The following PKD2L2 variants were observed in gnomAD, a reference collection of about 807,000 sequenced individuals.
PKD2L2 encodes polycystin 2 like 2, transient receptor potential cation channel, also known as polycystin-2-like protein 2.
Under a neutral mutation model 83.9 loss-of-function variants are expected in PKD2L2, and 67 were observed. That is an observed-to-expected ratio of 0.80 (90% CI 0.66 to 0.98). PKD2L2 has a LOEUF of 0.98. Among genes scored for constraint, PKD2L2 ranks in the 50% least tolerant of loss-of-function variants. PKD2L2 has a pLI of 0.00. For missense variants in PKD2L2, 632 were observed against 717.2 expected (o/e 0.88, Z 1.36); for synonymous variants, 223 against 237.8 (o/e 0.94, Z 0.57).
chr5:137,919,772 G>C (rs1404354843), intron 8 of PKD2L2, among the ~76,000 whole-genome samples: 1 of 152,184 alleles, frequency 6.6e-6, no homozygotes, highest in Non-Finnish European at 1.5e-5. Flanking sequence ...CTGAGTCCTA[G>C]GACTTCATGT....
chr5:137,934,347 C>G (rs1760129701), intron 12 of PKD2L2, among the ~76,000 whole-genome samples: 1 of 152,154 alleles, frequency 6.6e-6, no homozygotes, highest in African/African-American at 2.4e-5. Context: ...GTCTATTTTA[C>G]TTTTATTACT....
rs1376727710 is a variant in PKD2L2, at chr5:137,899,682, A to G, written c.691A>G (p.Ile231Val). 1.2e-6 allele frequency: 2 copies of G among 1,612,268 alleles called. No individual in the cohort carries two copies. Among genetic ancestry groups the G allele is most frequent in the Non-Finnish European group, 8.5e-7 (1 of 1,178,486 alleles). ...CTGGATCACAAGAGGGACTAGAGTTATTTTTATTGATTTTTCCTTATATAA... is the reference window on the plus strand; with the variant it reads ...CTGGATCACAAGAGGGACTAGAGTTGTTTTTATTGATTTTTCCTTATATAA... ...NSWITRGTRV[I>V]FIDFSLYNAN... The change falls in exon 5 of 15, where the codon ATT becomes GTT. Residue 231 changes from isoleucine (I) to valine (V), a missense_variant. Physicochemically the swap from Ile to Val is conservative, Grantham distance 29 (BLOSUM62 3). Coordinates refer to ENST00000508883, the MANE Select transcript of PKD2L2 (RefSeq NM_001300921.2).
At chr5:137,933,061 A>AAC (rs994418601) in intron 12 of PKD2L2, among the ~76,000 whole-genome samples, 6 of 151,558 alleles carry the variant, frequency 4.0e-5, no homozygotes, top group African/African-American at 1.5e-4. Flanking sequence ...AAAAAAAAAA[A>AAC]AAAAACCCAC....
At chr5:137,932,786 G>A (rs916611643) in intron 12 of PKD2L2, among the ~76,000 whole-genome samples, 5 of 152,222 alleles carry the variant, frequency 3.3e-5, no homozygotes, top group South Asian at 4.1e-4. Context: ...TACTGGTTCC[G>A]CATTCCTAAT....
At chr5:137,941,048 G>T (rs1714264098) in intron 14 of PKD2L2, among the ~76,000 whole-genome samples, 1 of 152,110 alleles carries the variant, frequency 6.6e-6, no homozygotes. Flanking sequence ...TGGAACTACA[G>T]GTGCCCGCCA....
chr5:137,906,150 T>C, intron 5 of PKD2L2, 56 bp from the exon 6 acceptor site: 1 of 950,760 alleles, frequency 1.1e-6, no homozygotes, highest in Admixed American at 2.2e-5. Flanking sequence ...TCACATTAAG[T>C]ACTGAAATAT....
At position 137,894,534 on chromosome 5, in the gene PKD2L2, T is replaced by C; in HGVS notation, c.449T>C (p.Leu150Ser). 1 of 1,613,496 alleles carries C rather than the reference T, an allele frequency of 6.2e-7. No individual in the cohort carries two copies. The highest frequency in any genetic ancestry group is 8.5e-7 in the Non-Finnish European group (1 of 1,179,426). ...AAAGTCTATTCATCTTTTCAGTCTT[T>C]GATGAGTGAATGTTATGGCAAATAT... ...TCKVYSSFQS[L>S]MSECYGKYTS... The change falls in exon 4 of 15, where the codon TTG (leucine) becomes TCG (serine). Residue 150 changes from leucine to serine, a missense_variant. Physicochemically the swap from Leu to Ser is moderately radical, Grantham distance 145. Coordinates refer to ENST00000508883, the MANE Select transcript of PKD2L2 (RefSeq NM_001300921.2).
intron 10 of PKD2L2, among the ~76,000 whole-genome samples, chr5:137,924,286 C>G (rs946893673): frequency 1.3e-5 from 2 of 152,208 alleles, no homozygotes; most frequent in Admixed American, 1.3e-4. Context: ...TATAATTTTA[C>G]TATAGTCTCT....
intron 12 of PKD2L2, among the ~76,000 whole-genome samples, chr5:137,932,304 C>T (rs189461646): frequency 1.7e-4 from 26 of 151,644 alleles, no homozygotes; most frequent in Admixed American, 1.4e-3. Context: ...GCCAAGATCA[C>T]GCCACTGCAC....
Position 137,901,283 on chromosome 5 carries a change from A to T in PKD2L2, c.746+1546A>T, listed in dbSNP as rs182235357. Among the ~76,000 whole-genome samples, 8 of 152,350 alleles carry T rather than the reference A, an allele frequency of 5.3e-5. No individual in the cohort carries two copies. The East Asian group carries it at 1.5e-3, about 29-fold the overall frequency. ...AGGTTTCACTTTTAAAAATGTCAAG[A>T]TAGCAGAAGTAGCTTTTGCCAAGCA... On this transcript the variant is annotated intron_variant, in intron 5 of 14. Coordinates refer to ENST00000508883, the MANE Select transcript of PKD2L2 (RefSeq NM_001300921.2).
Position 137,907,786 on chromosome 5 carries a change from A to C in PKD2L2, c.1020A>C (p.Gln340His), listed in dbSNP as rs201898921. The C allele has an allele frequency of 5.4e-5, 85 of 1,584,676 alleles. No homozygotes were observed. The highest frequency in any genetic ancestry group is 7.0e-5 in the Non-Finnish European group (81 of 1,164,550). Residue 340 changes from glutamine to histidine, a missense_variant, in exon 7 of 15, where the codon CAA becomes CAC. Gln to His is a conservative substitution (Grantham distance 24). Transcript: ENST00000508883. ...AVSFNTYYNV[Q>H]IFLLLGQLLK... ...CCTTCAACACATACTATAATGTACA[A>C]ATTTTTCTCTTACTTGGACAGCTGT...
intron 12 of PKD2L2, among the ~76,000 whole-genome samples, chr5:137,929,534 CAAAAAAAAAAAAAA>C (rs756601170): frequency 2.9e-3 from 10 of 3,444 alleles, no homozygotes; most frequent in African/African-American, 3.5e-3. Context: ...ACAAAATTGC[CAAAAAAAAAAAAAA>C]AAAAAAAAAA....
At chr5:137,893,912 C>A (rs1756213983) in intron 3 of PKD2L2, among the ~76,000 whole-genome samples, 1 of 152,066 alleles carries the variant, frequency 6.6e-6, no homozygotes, top group South Asian at 2.1e-4. Context: ...GTAAATGAAC[C>A]CTGGGCTTGG....
chr5:137,895,877 CA>C (rs375612119), intron 4 of PKD2L2, among the ~76,000 whole-genome samples: 311 of 90,100 alleles, frequency 3.5e-3, no homozygotes, highest in African/African-American at 4.6e-3. Context: ...GACACAGTCT[CA>C]AAAAAAAAAA....
chr5:137,919,936 G>A (rs1364829798), intron 8 of PKD2L2, among the ~76,000 whole-genome samples: 2 of 152,100 alleles, frequency 1.3e-5, no homozygotes, highest in African/African-American at 2.4e-5. Flanking sequence ...GTTTCCACGC[G>A]CCTGTAATTC....
rs1755755730 is a variant in PKD2L2, at chr5:137,889,590, A to T, written c.31+68A>T. 2.5e-5 allele frequency: 34 copies of T among 1,369,206 alleles called. No individual in the cohort carries two copies. The South Asian group carries it at 3.7e-4, about 15-fold the overall frequency. The allele number at this position is 1,369,206 out of a possible 1,614,324, so 84.8% of individuals were successfully genotyped here. A position where few individuals can be genotyped will look rare whatever the true frequency, so the allele number is the denominator to read the frequency against. On this transcript the variant is annotated intron_variant, in intron 1 of 14. Coordinates refer to ENST00000508883, the MANE Select transcript of PKD2L2 (RefSeq NM_001300921.2). Reference sequence around the variant, plus strand: ...GGCAGTTCCAGACACCCTGAAAGGAACTCTGCGGCCCCAAATTCGTTTGAG... The same window carrying T: ...GGCAGTTCCAGACACCCTGAAAGGATCTCTGCGGCCCCAAATTCGTTTGAG...
At chr5:137,918,844 C>CTTT (rs796480261) in intron 8 of PKD2L2, among the ~76,000 whole-genome samples, 6 of 144,658 alleles carry the variant, frequency 4.1e-5, no homozygotes, top group Admixed American at 6.9e-5. Flanking sequence ...TTCCAAGAAT[C>CTTT]TTTTTTTTTT....
intron 8 of PKD2L2, among the ~76,000 whole-genome samples, chr5:137,917,817 T>C (rs1052323381): frequency 3.3e-5 from 5 of 152,208 alleles, no homozygotes; most frequent in African/African-American, 1.2e-4. Flanking sequence ...GAATGGCTCA[T>C]ATTTCCATTT....
intron 8 of PKD2L2, among the ~76,000 whole-genome samples, chr5:137,914,031 CTTTTTTTTTTTTTTTTT>C (rs58118724): frequency 1.3e-3 from 53 of 42,340 alleles, no homozygotes; most frequent in Admixed American, 3.6e-3. Flanking sequence ...CCACACTTGG[CTTTTTTTTTTTTTTTTT>C]TTTTTTTTTT....
Sources: gnomAD v4.1 joint callset for allele counts (sites outside exome capture counted in the v4.1 genomes callset) on GRCh38, gnomAD v4.1.1 for gene constraint, MANE v1.5 for transcripts, NCBI Gene and HGNC (gene_info 2026-07-23, HGNC 2026-07-21) for gene names.